Variants in ZC3H7A observed in about 807,000 individuals in gnomAD.
The protein encoded by ZC3H7A is zinc finger CCCH domain-containing protein 7A.
ZC3H7A carries 44 observed loss-of-function variants against 125.5 expected under a neutral mutation model. The ratio of observed to expected loss-of-function variants is 0.35; its 90% CI spans 0.28 to 0.45. The LOEUF is 0.45. Among genes scored for constraint, ZC3H7A ranks in the 20% least tolerant of loss-of-function variants. The pLI is 1.00. For missense variants in ZC3H7A, 977 were observed against 1,170.7 expected, an observed-to-expected ratio of 0.83 and a Z score of 2.41; for synonymous variants, 399 against 391.2, an observed-to-expected ratio of 1.02 and a Z score of -0.23.
intron 7 of ZC3H7A, among the ~76,000 whole-genome samples, 169 bp from the exon 8 acceptor site, chr16:11,775,182 C>A (rs2053058560): frequency 6.6e-6 from 1 of 151,942 alleles, no homozygotes; most frequent in African/African-American, 2.4e-5. Context: ...ACCAGCCTGG[C>A]CAACATGGTG....
chr16:11,762,589 A>T, intron 17 of ZC3H7A, 82 bp downstream of exon 17: 1 of 1,281,332 alleles, frequency 7.8e-7, no homozygotes, highest in Non-Finnish European at 1.1e-6. Context: ...TGTAAGTGTT[A>T]ACTGCATCCA....
rs533370587 is a variant in ZC3H7A, at chr16:11,769,047, T to A, written c.1157A>T (p.Asn386Ile). 2.5e-6 allele frequency: 4 copies of A among 1,608,928 alleles called. No homozygotes were observed. Among genetic ancestry groups the A allele is most frequent in the Middle Eastern group, 1.7e-4 (1 of 6,046 alleles). Residue 386 changes from asparagine (N) to isoleucine (I), a missense_variant, in exon 11 of 23, where the codon AAT becomes ATT. Around this residue, in one of 3 missense-constraint regions of ZC3H7A, gnomAD observed 342 missense variants for 311.3 expected, o/e 1.10. Transcript: ENST00000355758. ...GGCACTTACAAGTAAAAGGGAAGAA[T>A]TACTGTTGTTAAGCGGTGTTCCCTC... ...SREGTPLNNS[N>I]SSLLLMNGPG...
rs146949513 is a variant in ZC3H7A at position 11,776,787 on chromosome 16, G to T, written c.429C>A (p.Tyr143Ter). The T allele has an allele frequency of 6.2e-7, 1 of 1,612,438 alleles. No individual in the cohort carries two copies. The highest frequency in any genetic ancestry group is 1.3e-5 in the African/African-American group (1 of 74,844). The change falls in exon 5 of 23, where the codon TAC becomes TAA. Residue 143 changes from tyrosine to a stop codon, truncating the protein, a stop_gained. Transcript: ENST00000355758. LOFTEE classifies it high-confidence loss of function. ...CTAAGGAGCACTTTGCTACAGCATC[G>T]TAAGCCTTTTTGTATCTTCCTAAAT... is the stretch of plus-strand genomic sequence containing the variant. ...LSDLGRYKKA[Y>*]DAVAKCSLAV...
At position 11,763,359 on chromosome 16, in the gene ZC3H7A, T is replaced by G. The variant is rs991685858; in HGVS notation, c.2002+119A>C. ...CCTGACCTCAAGTGATCCATCTGCC[T>G]CAGCCTCCCAAAGTAGTGGGATTAC... is the stretch of plus-strand genomic sequence containing the variant. On this transcript the variant is annotated intron_variant, in intron 16 of 22. Coordinates refer to ENST00000355758, the MANE Select transcript of ZC3H7A (RefSeq NM_014153.4). 2.6e-5 allele frequency: 27 copies of G among 1,027,306 alleles called. No individual in the cohort carries two copies. The African/African-American group carries it at 3.7e-4, about 14-fold the overall frequency. The allele number at this position is 1,027,306 out of a possible 1,614,324, so 63.6% of individuals were successfully genotyped here.
At chr16:11,785,998 A>G (rs1346881763) in intron 1 of ZC3H7A, among the ~76,000 whole-genome samples, 1 of 152,168 alleles carries the variant, frequency 6.6e-6, no homozygotes, top group Non-Finnish European at 1.5e-5. Context: ...CCCAGATGGA[A>G]TCATGGGAGA....
At position 11,762,764 on chromosome 16, in the gene ZC3H7A, C is replaced by A. The variant is rs975876219; in HGVS notation, c.2003-17G>T. The A allele has an allele frequency of 4.3e-6, 7 of 1,612,314 alleles. No individual in the cohort carries two copies. In the African/African-American group the frequency reaches 9.3e-5, roughly 22 times the overall value. ...GTGAGATACCTGGGGAATGTACAAG[C>A]CTTCCTTTAAATTATATCTATAAGA... is the stretch of plus-strand genomic sequence containing the variant. On this transcript the variant is annotated splice_polypyrimidine_tract_variant and intron_variant, in intron 16 of 22. Coordinates refer to ENST00000355758, the MANE Select transcript of ZC3H7A (RefSeq NM_014153.4).
At position 11,767,484 on chromosome 16, in the gene ZC3H7A, T is replaced by C. The variant is rs2052880156; in HGVS notation, c.1455A>G (p.Lys485=). ...LIGRIKNVED[K]SWKKIRPRPT... ...GTCTTGGACGTATTTTTTTCCATGA[T>C]TTATCTTCAACATTCTTTATCCTAC... is the stretch of plus-strand genomic sequence containing the variant. Residue 485 remains lysine, a synonymous_variant, in exon 13 of 23, where the codon AAA becomes AAG. Coordinates refer to ENST00000355758, the MANE Select transcript of ZC3H7A (RefSeq NM_014153.4). 2 of 1,612,388 alleles carry C rather than the reference T, an allele frequency of 1.2e-6. No individual in the cohort carries two copies. Among genetic ancestry groups the C allele is most frequent in the South Asian group, 1.1e-5 (1 of 90,936 alleles).
At chr16:11,760,776 G>T (rs2052740423) in intron 19 of ZC3H7A, among the ~76,000 whole-genome samples, 1 of 152,184 alleles carries the variant, frequency 6.6e-6, no homozygotes, top group Non-Finnish European at 1.5e-5. Flanking sequence ...CAACTCAAGT[G>T]GTTTGCTCAG....
chr16:11,758,390 A>T, intron 20 of ZC3H7A, 41 bp downstream of exon 20: 1 of 1,450,238 alleles, frequency 6.9e-7, no homozygotes, highest in Non-Finnish European at 9.7e-7. Flanking sequence ...AAGAACTTTC[A>T]GGCAAGCTAG....
intron 18 of ZC3H7A, 199 bp downstream of exon 18, chr16:11,761,711 A>C (rs1238000542): frequency 1.2e-6 from 1 of 866,884 alleles, no homozygotes; most frequent in Non-Finnish European, 1.7e-6. Context: ...AAATTGATAA[A>C]ATACAGGAAA....
rs547058296 is a variant in ZC3H7A, at chr16:11,793,645, T to C, written c.-35+3479A>G. Reference sequence around the variant, plus strand: ...TAGCTTTAAAACAACAACTACAAAGTAGTTAAAGTATCATTATTGTCATCC... The same window carrying C: ...TAGCTTTAAAACAACAACTACAAAGCAGTTAAAGTATCATTATTGTCATCC... On this transcript the variant is annotated intron_variant, in intron 1 of 22. Coordinates refer to ENST00000355758, the MANE Select transcript of ZC3H7A (RefSeq NM_014153.4). Among the ~76,000 whole-genome samples, 7 of 152,210 alleles carry C rather than the reference T, an allele frequency of 4.6e-5. No homozygotes were observed. The South Asian group carries it at 1.0e-3, about 23-fold the overall frequency.
At chr16:11,793,230 C>T (rs2053380959) in intron 1 of ZC3H7A, among the ~76,000 whole-genome samples, 1 of 152,150 alleles carries the variant, frequency 6.6e-6, no homozygotes, top group African/African-American at 2.4e-5. Context: ...GGTATCCCTA[C>T]ATTTCAAGTG....
chr16:11,769,784 C>CTTTT lies in ZC3H7A; in HGVS notation c.1109-693_1109-690dup, dbSNP rs200241879. ...AATCAGTAAAGTTTTCAATTGCTTT[C>CTTTT]TTTTTTTTTTTTTTTTTTTTTTTGA... is the stretch of plus-strand genomic sequence containing the variant. On this transcript the variant is annotated intron_variant, in intron 10 of 22. Coordinates refer to ENST00000355758, the MANE Select transcript of ZC3H7A (RefSeq NM_014153.4). Among the ~76,000 whole-genome samples the CTTTT allele has an allele frequency of 3.5e-3, 218 of 61,504 alleles. 1 individual carries two copies. Among genetic ancestry groups the CTTTT allele is most frequent in the Non-Finnish European group, 4.5e-3 (173 of 38,484 alleles). 40.3% of individuals were successfully genotyped at this position (61,504 alleles called of 152,430 possible).
rs977628359 is a variant in ZC3H7A at position 11,750,768 on chromosome 16, T to C, written c.*549A>G. The C allele has an allele frequency of 6.5e-6, 1 of 152,702 alleles. No individual in the cohort carries two copies. The highest frequency in any genetic ancestry group is 2.4e-5 in the African/African-American group (1 of 41,448). 9.5% of individuals were successfully genotyped at this position (152,702 alleles called of 1,614,324 possible). ...ATGCACATTATCCTTAATTCCCTTA[T>C]TATAGTGAAACATACAAATACAGAA... On this transcript the variant is annotated 3_prime_UTR_variant, in exon 23 of 23. Coordinates refer to ENST00000355758, the MANE Select transcript of ZC3H7A (RefSeq NM_014153.4).
Position 11,774,219 on chromosome 16 carries a change from G to GT in ZC3H7A, c.903+16dup, listed in dbSNP as rs1288677259. 2.0e-6 allele frequency: 3 copies of GT among 1,519,532 alleles called. No homozygotes were observed. In the African/African-American group the frequency reaches 4.2e-5, roughly 21 times the overall value. The allele number at this position is 1,519,532 out of a possible 1,614,324, so 94.1% of individuals were successfully genotyped here. A position where few individuals can be genotyped will look rare whatever the true frequency, so the allele number is the denominator to read the frequency against. On this transcript the variant is annotated intron_variant, in intron 9 of 22. Coordinates refer to ENST00000355758, the MANE Select transcript of ZC3H7A (RefSeq NM_014153.4). Reference sequence around the variant, plus strand: ...AACTCTGTCTTCAGAAGAAACTTGAGTAACACTGAAACTTACCATAACAGT... The same window carrying GT: ...AACTCTGTCTTCAGAAGAAACTTGAGTTAACACTGAAACTTACCATAACAGT...
chr16:11,787,750 A>G (rs2053280934), intron 1 of ZC3H7A, among the ~76,000 whole-genome samples: 1 of 152,152 alleles, frequency 6.6e-6, no homozygotes, highest in Non-Finnish European at 1.5e-5. Flanking sequence ...GTTCGAGACC[A>G]GCCTGGCCAA....
intron 21 of ZC3H7A, among the ~76,000 whole-genome samples, chr16:11,755,997 T>C (rs973766708): frequency 3.3e-5 from 5 of 152,226 alleles, no homozygotes; most frequent in Admixed American, 3.3e-4. Context: ...ACTCCATCTC[T>C]ACTAAAAATA....
At chr16:11,779,679 T>C (rs568626077) in intron 3 of ZC3H7A, among the ~76,000 whole-genome samples, 1 of 152,328 alleles carries the variant, frequency 6.6e-6, no homozygotes, top group East Asian at 1.9e-4. Context: ...AGAGAATGAA[T>C]AGTTTAAGGC....
chr16:11,780,851 T>C (rs1000471386), intron 3 of ZC3H7A, among the ~76,000 whole-genome samples: 13 of 152,184 alleles, frequency 8.5e-5, no homozygotes, highest in African/African-American at 3.1e-4. Flanking sequence ...GCTTTCTCCC[T>C]GTTCCTAAAC....
Sources: gnomAD v4.1 joint callset for allele counts (sites outside exome capture counted in the v4.1 genomes callset) on GRCh38, gnomAD v4.1.1 for gene constraint, gnomAD v4.1.1 regional missense constraint, MANE v1.5 for transcripts, NCBI Gene and HGNC (gene_info 2026-07-23, HGNC 2026-07-21) for gene names.